Variants in DCC observed in about 807,000 individuals in gnomAD.
DCC encodes DCC netrin 1 receptor.
DCC carries 58 observed loss-of-function variants against 172.5 expected under a neutral mutation model. The ratio of observed to expected loss-of-function variants is 0.34; its 90% confidence interval spans 0.27 to 0.42. The LOEUF (loss-of-function observed/expected upper bound fraction) is 0.42. DCC is among the 10% of genes least tolerant of loss of function. The pLI is 1.00. For synonymous variants in DCC, 709 were observed against 644.5 expected, an observed-to-expected ratio of 1.10 and a Z score of -1.52; for missense variants, 1,740 against 1,791.0, an observed-to-expected ratio of 0.97 and a Z score of 0.51.
intron 1 of DCC, among the ~76,000 whole-genome samples, chr18:52,563,416 G>A (rs2033084890): frequency 6.6e-6 from 1 of 152,030 alleles, no homozygotes; most frequent in Non-Finnish European, 1.5e-5. Context: ...CTGCTCGAGC[G>A]TTTCATTCAA....
chr18:52,598,928 A>G (rs930530792), intron 1 of DCC, among the ~76,000 whole-genome samples: 4 of 152,178 alleles, frequency 2.6e-5, no homozygotes, highest in Non-Finnish European at 4.4e-5. Context: ...GAAGGGCAAG[A>G]GAAACAAACT....
rs1449526087 is a variant in DCC at position 52,450,750 on chromosome 18, T to C, written c.91+109872T>C. Among the ~76,000 whole-genome samples, 3 of 152,176 alleles carry C rather than the reference T, an allele frequency of 2.0e-5. No homozygotes were observed. In the East Asian group the frequency reaches 5.8e-4, roughly 29 times the overall value. On this transcript the variant is annotated intron_variant, in intron 1 of 28. Coordinates refer to ENST00000442544, the MANE Select transcript of DCC (RefSeq NM_005215.4). ...ATGTAGTAGATACTCAATAAATACA[T>C]TTTATAAATGAATGAACCATGTAAA...
chr18:53,403,709 C>T lies in DCC; in HGVS notation c.2935+816C>T, dbSNP rs79346582. Among the ~76,000 whole-genome samples the T allele has an allele frequency of 5.6e-3, 308 of 54,870 alleles. 3 individuals are homozygous for T. Among genetic ancestry groups the T allele is most frequent in the Middle Eastern group, 0.011 (1 of 88 alleles). 36.0% of individuals were successfully genotyped at this position (54,870 alleles called of 152,430 possible). A position where few individuals can be genotyped will look rare whatever the true frequency, so the allele number is the denominator to read the frequency against. On this transcript the variant is annotated intron_variant, in intron 19 of 28. Coordinates refer to ENST00000442544, the MANE Select transcript of DCC (RefSeq NM_005215.4). Reference sequence around the variant, plus strand: ...TGGAAGAGTCACTCCTTTTTTCCTTCTTTTTTTGCATACAAGAGCTGGATA... The same window carrying T: ...TGGAAGAGTCACTCCTTTTTTCCTTTTTTTTTTGCATACAAGAGCTGGATA...
intron 2 of DCC, among the ~76,000 whole-genome samples, chr18:52,830,394 T>A (rs1175314082): frequency 6.6e-6 from 1 of 152,162 alleles, no homozygotes; most frequent in Non-Finnish European, 1.5e-5. Flanking sequence ...TGGATATCCC[T>A]GGAAAGTCTT....
At chr18:53,251,544 G>A (rs1326817492) in intron 12 of DCC, among the ~76,000 whole-genome samples, 1 of 151,808 alleles carries the variant, frequency 6.6e-6, no homozygotes. Flanking sequence ...CAGCTCAAAT[G>A]GAGTCTTCTT....
intron 2 of DCC, among the ~76,000 whole-genome samples, chr18:52,820,051 G>C (rs989583159): frequency 2.6e-5 from 4 of 152,102 alleles, no homozygotes; most frequent in Non-Finnish European, 4.4e-5. Flanking sequence ...TTTTTTCAAC[G>C]TGGGAGTGAG....
At chr18:52,445,276 T>A (rs909776551) in intron 1 of DCC, among the ~76,000 whole-genome samples, 5 of 152,150 alleles carry the variant, frequency 3.3e-5, no homozygotes, top group East Asian at 3.9e-4. Flanking sequence ...TAATTTCCAA[T>A]GAAAGCAGTG....
intron 7 of DCC, among the ~76,000 whole-genome samples, chr18:53,107,855 A>G (rs533321397): frequency 1.3e-5 from 2 of 151,850 alleles, no homozygotes; most frequent in Non-Finnish European, 2.9e-5. Context: ...ATTTAAGCTC[A>G]AAATACATTT....
intron 12 of DCC, among the ~76,000 whole-genome samples, chr18:53,239,760 A>G (rs960304113): frequency 2.1e-4 from 32 of 152,166 alleles, no homozygotes; most frequent in Admixed American, 2.6e-4. Flanking sequence ...CTTGGTTTCA[A>G]TTCAAGGGTG....
chr18:52,941,230 T>C (rs1295485827), intron 5 of DCC: 1 of 152,150 alleles, frequency 6.6e-6, no homozygotes, highest in African/African-American at 2.4e-5. Flanking sequence ...AATTTACTGA[T>C]GCTGTTCCCT....
chr18:53,461,658 C>T (rs1404931828), intron 24 of DCC, among the ~76,000 whole-genome samples: 3 of 152,198 alleles, frequency 2.0e-5, no homozygotes, highest in Non-Finnish European at 4.4e-5. Context: ...TTACTGTACT[C>T]TGTCATCTCA....
intron 7 of DCC, among the ~76,000 whole-genome samples, chr18:53,138,246 G>A (rs1568326666): frequency 6.6e-6 from 1 of 151,912 alleles, no homozygotes; most frequent in Non-Finnish European, 1.5e-5. Context: ...CCATGAAGGA[G>A]TTAATGTGCC....
intron 9 of DCC, among the ~76,000 whole-genome samples, chr18:53,181,624 CACAA>C (rs980884745): frequency 1.2e-3 from 179 of 152,018 alleles, no homozygotes; most frequent in African/African-American, 4.0e-3. Flanking sequence ...CTTTGTAAAA[CACAA>C]ACAATGACAT....
At chr18:53,133,251 C>T (rs2043685014) in intron 7 of DCC, among the ~76,000 whole-genome samples, 1 of 152,186 alleles carries the variant, frequency 6.6e-6, no homozygotes, top group African/African-American at 2.4e-5. Context: ...TGGGAATACC[C>T]AGATGAAGCC....
In DCC at chr18:53,279,398, C is replaced by CA. The variant is rs1175570873; in HGVS notation, c.1912-26174dup. Among the ~76,000 whole-genome samples, 8 of 148,686 alleles carry CA rather than the reference C, an allele frequency of 5.4e-5. 1 individual carries two copies. The Admixed American group carries it at 5.5e-4, about 10-fold the overall frequency. Reference sequence around the variant, plus strand: ...CATTCTCAGCAAACTATCGCAAGGACAAAAAACCAAATACCGCATGTTTTC... The same window carrying CA: ...CATTCTCAGCAAACTATCGCAAGGACAAAAAAACCAAATACCGCATGTTTTC... On this transcript the variant is annotated intron_variant, in intron 12 of 28. Coordinates refer to ENST00000442544, the MANE Select transcript of DCC (RefSeq NM_005215.4).
At chr18:53,512,803 G>T (rs1039786345) in intron 27 of DCC, among the ~76,000 whole-genome samples, 2 of 150,742 alleles carry the variant, frequency 1.3e-5, no homozygotes, top group African/African-American at 5.0e-5. Flanking sequence ...AAGAAATATG[G>T]GACTATGTGA....
At chr18:52,621,142 T>C (rs1483832035) in intron 1 of DCC, among the ~76,000 whole-genome samples, 1 of 152,228 alleles carries the variant, frequency 6.6e-6, no homozygotes, top group East Asian at 1.9e-4. Flanking sequence ...GTGTCAACAT[T>C]AACTACCACT....
At chr18:52,401,244 G>A (rs552280193) in intron 1 of DCC, among the ~76,000 whole-genome samples, 6 of 151,900 alleles carry the variant, frequency 3.9e-5, no homozygotes, top group Admixed American at 2.0e-4. Flanking sequence ...TTTCCTAATG[G>A]GCATAACTCT....
chr18:52,698,397 G>A (rs2036047531), intron 1 of DCC, among the ~76,000 whole-genome samples: 1 of 152,134 alleles, frequency 6.6e-6, no homozygotes, highest in African/African-American at 2.4e-5. Flanking sequence ...CTTCAGAGCT[G>A]ACCTGATTAC....
Sources: gnomAD v4.1 joint callset for allele counts (sites outside exome capture counted in the v4.1 genomes callset) on GRCh38, gnomAD v4.1.1 for gene constraint, MANE v1.5 for transcripts, NCBI Gene and HGNC (gene_info 2026-07-23, HGNC 2026-07-21) for gene names.